Variants in ANO3 observed in about 807,000 individuals in gnomAD.
ANO3 encodes anoctamin 3.
Under a neutral mutation model 144.8 loss-of-function variants are expected in ANO3, and 99 were observed. The observed-to-expected ratio is 0.68, with a 90% confidence interval of 0.58 to 0.81. The LOEUF is 0.81. ANO3 is among the 30% of genes least tolerant of loss of function. The pLI is 0.00. For synonymous variants in ANO3, 414 were observed against 392.6 expected (o/e 1.05, Z -0.64); for missense variants, 905 against 1,202.2 (o/e 0.75, Z 3.66).
In ANO3 at chr11:26,287,152, A is replaced by G. The variant is rs1009292011; in HGVS notation, c.155-22493A>G. 9.2e-5 allele frequency among the ~76,000 whole-genome samples: 14 copies of G among 152,302 alleles called. No individual in the cohort carries two copies. In the East Asian group the frequency reaches 2.5e-3, roughly 27 times the overall value. On this transcript the variant is annotated intron_variant, in intron 1 of 27. Transcript: ENST00000672621. Reference sequence around the variant, plus strand: ...GCCGAATTGATAGAGTGACTAATATATTCTGTTAGACTAGACTATCTGCAC... The same window carrying G: ...GCCGAATTGATAGAGTGACTAATATGTTCTGTTAGACTAGACTATCTGCAC...
At chr11:26,645,361 T>C (rs1359548946) in intron 23 of ANO3, among the ~76,000 whole-genome samples, 3 of 152,038 alleles carry the variant, frequency 2.0e-5, no homozygotes, top group Admixed American at 6.6e-5. Context: ...ACTTTTCCCA[T>C]TGAGCTACTT....
At chr11:26,544,251 CATATATATAT>C (rs1554967685) in intron 11 of ANO3, among the ~76,000 whole-genome samples, 3 of 38,454 alleles carry the variant, frequency 7.8e-5, no homozygotes, top group Admixed American at 2.8e-4. Flanking sequence ...TTTCATTATA[CATATATATAT>C]ATATATATAT....
chr11:26,534,637 G>T, intron 9 of ANO3, 75 bp downstream of exon 9: 1 of 1,016,450 alleles, frequency 9.8e-7, no homozygotes, highest in Non-Finnish European at 1.5e-6. Flanking sequence ...TTTTTTAACA[G>T]CTGTAGCTTT....
intron 7 of ANO3, among the ~76,000 whole-genome samples, chr11:26,528,415 T>C (rs1392229860): frequency 1.3e-5 from 2 of 152,216 alleles, no homozygotes; most frequent in African/African-American, 4.8e-5. Flanking sequence ...CCTAAAGTGA[T>C]AATATTGTTT....
At chr11:26,400,806 T>C (rs1857127979) in intron 1 of ANO3, among the ~76,000 whole-genome samples, 1 of 151,152 alleles carries the variant, frequency 6.6e-6, no homozygotes, top group African/African-American at 2.4e-5. Context: ...AATAAGTAAT[T>C]AATAGTGTTT....
intron 1 of ANO3, among the ~76,000 whole-genome samples, chr11:26,360,939 G>A (rs1855910480): frequency 6.6e-6 from 1 of 152,168 alleles, no homozygotes; most frequent in Non-Finnish European, 1.5e-5. Context: ...TTGTAGAAAT[G>A]AGCATTTTGA....
chr11:26,525,484 A>G (rs1040006621), intron 6 of ANO3, 151 bp from the exon 7 acceptor site: 1 of 616,022 alleles, frequency 1.6e-6, no homozygotes, highest in Non-Finnish European at 2.9e-6. Context: ...GATATTCCTC[A>G]TAGTATGCTG....
chr11:26,557,846 C>G (rs1244491617), intron 13 of ANO3, among the ~76,000 whole-genome samples: 1 of 152,152 alleles, frequency 6.6e-6, no homozygotes, highest in Non-Finnish European at 1.5e-5. Flanking sequence ...AAGCTATAAC[C>G]ACAGACCTCG....
intron 5 of ANO3, 137 bp from the exon 6 acceptor site, chr11:26,516,690 T>C (rs1029858299): frequency 4.9e-5 from 24 of 487,172 alleles, no homozygotes; most frequent in Middle Eastern, 2.9e-4. Flanking sequence ...TTTTTATCCA[T>C]ATAAATTTCT....
intron 1 of ANO3, among the ~76,000 whole-genome samples, chr11:26,212,993 A>G (rs764096970): frequency 1.3e-5 from 2 of 152,050 alleles, no homozygotes; most frequent in Middle Eastern, 3.2e-3. Context: ...AAATCAATAA[A>G]CGTAATCCAT....
At chr11:26,465,856 T>C (rs1345369027) in intron 4 of ANO3, among the ~76,000 whole-genome samples, 3 of 151,990 alleles carry the variant, frequency 2.0e-5, no homozygotes, top group Non-Finnish European at 2.9e-5. Flanking sequence ...GTCAGGTACA[T>C]ATGCACTGTT....
intron 1 of ANO3, among the ~76,000 whole-genome samples, chr11:26,321,085 G>A (rs549323521): frequency 6.6e-6 from 1 of 152,106 alleles, no homozygotes; most frequent in South Asian, 2.1e-4. Flanking sequence ...CTTGGACAAT[G>A]TACTGTTTTC....
chr11:26,466,580 G>A (rs1039090631), intron 4 of ANO3, among the ~76,000 whole-genome samples: 3 of 151,964 alleles, frequency 2.0e-5, no homozygotes, highest in Admixed American at 6.6e-5. Flanking sequence ...GTCTTGAGGA[G>A]GAGAAGAGAC....
At chr11:26,523,057 A>G (rs1034275318) in intron 6 of ANO3, among the ~76,000 whole-genome samples, 1 of 152,182 alleles carries the variant, frequency 6.6e-6, no homozygotes, top group Non-Finnish European at 1.5e-5. Flanking sequence ...TGGAAAGCTT[A>G]ACAATCATGG....
chr11:26,340,554 T>C (rs1181540998), intron 1 of ANO3, among the ~76,000 whole-genome samples: 1 of 152,224 alleles, frequency 6.6e-6, no homozygotes, highest in Non-Finnish European at 1.5e-5. Flanking sequence ...TAGAAATCTG[T>C]ATTTTTTACA....
At chr11:26,494,672 T>C (rs1860853965) in intron 4 of ANO3, among the ~76,000 whole-genome samples, 1 of 152,198 alleles carries the variant, frequency 6.6e-6, no homozygotes, top group Admixed American at 6.5e-5. Context: ...ATTCAACTTC[T>C]TTCTGCCTAG....
intron 1 of ANO3, among the ~76,000 whole-genome samples, chr11:26,408,200 G>A (rs1464898324): frequency 6.6e-6 from 1 of 151,748 alleles, no homozygotes; most frequent in Non-Finnish European, 1.5e-5. Context: ...CTACAAAATG[G>A]GACAAAATTT....
chr11:26,430,241 A>C (rs1397733516), intron 1 of ANO3, among the ~76,000 whole-genome samples: 1 of 84,332 alleles, frequency 1.2e-5, no homozygotes, highest in Non-Finnish European at 2.5e-5. Flanking sequence ...AGCCCAAGCA[A>C]CTGTCTAAAA....
chr11:26,456,270 C>A (rs1246265294), intron 3 of ANO3, among the ~76,000 whole-genome samples: 1 of 152,120 alleles, frequency 6.6e-6, no homozygotes, highest in Admixed American at 6.5e-5. Flanking sequence ...AAGAAACTAC[C>A]ATCAGAGTGA....
Sources: allele counts gnomAD v4.1 joint callset (sites outside exome capture counted in the v4.1 genomes callset), GRCh38; gene constraint gnomAD v4.1.1; transcripts MANE v1.5; gene names NCBI Gene and HGNC (gene_info 2026-07-23, HGNC 2026-07-21).